PRKCE: variants seen among roughly 807,000 people sequenced by gnomAD.
The protein encoded by PRKCE is protein kinase C epsilon type.
Under a neutral mutation model 85.4 loss-of-function variants are expected in PRKCE, and 16 were observed. The ratio of observed to expected loss-of-function variants is 0.19; its 90% confidence interval spans 0.13 to 0.28. The LOEUF is 0.28. Ranked by LOEUF, PRKCE falls within the 10% of genes least tolerant of loss-of-function variation. The pLI is 1.00. For synonymous variants in PRKCE, 388 were observed against 371.5 expected, an observed-to-expected ratio of 1.04 and a Z score of -0.51; for missense variants, 573 against 975.2, an observed-to-expected ratio of 0.59 and a Z score of 5.49.
intron 10 of PRKCE, among the ~76,000 whole-genome samples, chr2:46,051,672 C>T (rs955533457): frequency 7.3e-4 from 111 of 152,266 alleles, no homozygotes; most frequent in Non-Finnish European, 1.0e-3. Flanking sequence ...CTACTTTATT[C>T]CCCCTGCTGT....
rs1696029857 is a variant in PRKCE, at chr2:45,895,033, T to C, written c.412+51970T>C. Among the ~76,000 whole-genome samples, 1 of 152,246 alleles carries C rather than the reference T, an allele frequency of 6.6e-6. No individual in the cohort carries two copies. Among genetic ancestry groups the C allele is most frequent in the Non-Finnish European group, 1.5e-5 (1 of 68,038 alleles). On this transcript the variant is annotated intron_variant, in intron 2 of 14. Transcript: ENST00000306156. The surrounding 1 kb of genome is among the most constrained non-coding windows in gnomAD (Gnocchi z 4.8). ...CCCCTGTGCCCCCGTTCGTTTGTTT[T>C]GAGTGAACACATAAATGTCATCAAT...
At chr2:46,133,850 G>A (rs1473908289) in intron 11 of PRKCE, among the ~76,000 whole-genome samples, 1 of 152,198 alleles carries the variant, frequency 6.6e-6, no homozygotes, top group Non-Finnish European at 1.5e-5. Context: ...CATTGTTGTA[G>A]AGGAGCTGAC....
At chr2:46,002,603 A>G (rs1704791381) in intron 7 of PRKCE, among the ~76,000 whole-genome samples, 1 of 152,196 alleles carries the variant, frequency 6.6e-6, no homozygotes, top group South Asian at 2.1e-4. Flanking sequence ...CTGTTGTGCA[A>G]GGGTTGCAGA....
intron 1 of PRKCE, among the ~76,000 whole-genome samples, chr2:45,706,494 G>C (rs1363699894): frequency 6.6e-6 from 1 of 152,198 alleles, no homozygotes; most frequent in African/African-American, 2.4e-5. Context: ...TTGTCAACCA[G>C]TCTTGACTGA....
At chr2:46,169,400 A>G (rs1452857848) in intron 14 of PRKCE, among the ~76,000 whole-genome samples, 1 of 152,202 alleles carries the variant, frequency 6.6e-6, no homozygotes, top group Non-Finnish European at 1.5e-5. Context: ...CTGGCCACAT[A>G]GCAGCAGCCC....
At chr2:45,882,666 A>G (rs1003788587) in intron 2 of PRKCE, among the ~76,000 whole-genome samples, 12 of 152,192 alleles carry the variant, frequency 7.9e-5, no homozygotes, top group Non-Finnish European at 1.8e-4. Context: ...ATTCTCAATT[A>G]CTCCTTGACC....
intron 13 of PRKCE, among the ~76,000 whole-genome samples, chr2:46,154,749 T>A (rs1352455691): frequency 4.6e-5 from 7 of 150,768 alleles, no homozygotes; most frequent in Non-Finnish European, 8.9e-5. Flanking sequence ...TTTTTTTTTT[T>A]ACAAAAAACT....
intron 5 of PRKCE, among the ~76,000 whole-genome samples, chr2:45,981,867 G>C (rs773739381): frequency 4.6e-5 from 7 of 152,200 alleles, no homozygotes; most frequent in Non-Finnish European, 1.0e-4. Flanking sequence ...GCCTCTGCAG[G>C]ACTCTAAAGC....
At chr2:45,655,026 A>T (rs945281870) in intron 1 of PRKCE, among the ~76,000 whole-genome samples, 2 of 152,148 alleles carry the variant, frequency 1.3e-5, no homozygotes, top group Non-Finnish European at 2.9e-5. Flanking sequence ...AAGTAAGGGG[A>T]TGTGGATAGC....
chr2:46,041,437 G>C lies in PRKCE; in HGVS notation c.1437+30920G>C, dbSNP rs1401158943. On this transcript the variant is annotated intron_variant, in intron 10 of 14. Transcript: ENST00000306156. The surrounding 1 kb of genome is among the most constrained non-coding windows in gnomAD (Gnocchi z 5.5). ...GTTTTCAAGAGAGAAAAACACACTT[G>C]CATATGTTTCCCTGCCCTAACTCAG... 1.3e-5 allele frequency among the ~76,000 whole-genome samples: 2 copies of C among 152,186 alleles called. No homozygotes were observed. Among genetic ancestry groups the C allele is most frequent in the Non-Finnish European group, 2.9e-5 (2 of 68,038 alleles).
intron 1 of PRKCE, among the ~76,000 whole-genome samples, chr2:45,758,974 T>C (rs1177189683): frequency 6.6e-6 from 1 of 152,166 alleles, no homozygotes; most frequent in East Asian, 1.9e-4. Context: ...GAAGGGACCG[T>C]GGGAGAGTAT....
chr2:46,117,840 G>A (rs995070408), intron 11 of PRKCE, among the ~76,000 whole-genome samples: 5 of 152,140 alleles, frequency 3.3e-5, no homozygotes, highest in Admixed American at 3.3e-4. Flanking sequence ...CTGAATCTTT[G>A]TCAACTAGTT....
intron 1 of PRKCE, among the ~76,000 whole-genome samples, chr2:45,789,195 T>C (rs903568918): frequency 1.5e-4 from 23 of 151,590 alleles, no homozygotes; most frequent in East Asian, 3.9e-4. Flanking sequence ...AGGACAGGAG[T>C]TCAAGACCAG....
intron 2 of PRKCE, among the ~76,000 whole-genome samples, chr2:45,937,538 C>G (rs1172439278): frequency 1.3e-5 from 2 of 152,128 alleles, no homozygotes; most frequent in Non-Finnish European, 2.9e-5. Flanking sequence ...CGGTGAAACC[C>G]CATCTCCACT....
At chr2:45,749,650 GTC>G (rs1174522064) in intron 1 of PRKCE, among the ~76,000 whole-genome samples, 1 of 152,220 alleles carries the variant, frequency 6.6e-6, no homozygotes, top group East Asian at 1.9e-4. Context: ...TATGAACAGT[GTC>G]TCATTTAATT....
intron 14 of PRKCE, among the ~76,000 whole-genome samples, chr2:46,180,104 C>T (rs1679820426): frequency 6.6e-6 from 1 of 152,294 alleles, no homozygotes; most frequent in Non-Finnish European, 1.5e-5. Flanking sequence ...GAGGCCTCCT[C>T]AGTGTGGTGA....
chr2:45,788,517 A>G (rs1026584612), intron 1 of PRKCE, among the ~76,000 whole-genome samples: 1 of 152,148 alleles, frequency 6.6e-6, no homozygotes, highest in African/African-American at 2.4e-5. Context: ...TCTCATTGCA[A>G]TCAGGGGGCC....
chr2:45,924,223 T>C (rs536706483), intron 2 of PRKCE, among the ~76,000 whole-genome samples: 20 of 152,328 alleles, frequency 1.3e-4, no homozygotes, highest in Non-Finnish European at 1.2e-4. Flanking sequence ...ATTTAGTTGC[T>C]GAGTAATTTG....
chr2:45,805,618 C>T (rs1345105255), intron 1 of PRKCE, among the ~76,000 whole-genome samples: 2 of 140,552 alleles, frequency 1.4e-5, no homozygotes, highest in Admixed American at 7.3e-5. Context: ...TTTTGTTAGA[C>T]AGAGTTTCAT....
Sources: allele counts gnomAD v4.1 joint callset (sites outside exome capture counted in the v4.1 genomes callset), GRCh38; gene constraint gnomAD v4.1.1; non-coding constraint Gnocchi (gnomAD v3.1); transcripts MANE v1.5; gene names NCBI Gene and HGNC (gene_info 2026-07-23, HGNC 2026-07-21).